PRR12: variants seen among roughly 807,000 people sequenced by gnomAD.
The protein encoded by PRR12 is proline-rich protein 12.
A neutral mutation model predicts 138.0 loss-of-function variants in PRR12; 12 were observed. The ratio of observed to expected loss-of-function variants is 0.09; its 90% CI spans 0.06 to 0.14. The LOEUF (loss-of-function observed/expected upper bound fraction) is 0.14. PRR12 is among the 10% of genes least tolerant of loss of function. The pLI, the probability that PRR12 is intolerant of heterozygous loss-of-function variation, is 1.00. For missense variants in PRR12, 2,692 were observed against 2,861.3 expected (o/e 0.94, Z 1.35); for synonymous variants, 1,567 against 1,291.7 (o/e 1.21, Z -4.57).
intron 10 of PRR12, among the ~76,000 whole-genome samples, chr19:49,620,980 G>C (rs1317563982): frequency 6.6e-5 from 9 of 135,652 alleles, no homozygotes; most frequent in South Asian, 2.7e-4. Flanking sequence ...GAGGGAGGAG[G>C]GACTGGGGCC....
Position 49,595,157 on chromosome 19 carries a change from C to T in PRR12, c.822C>T (p.Gly274=). The change falls in exon 4 of 14, where the codon GGC becomes GGT. Residue 274 remains glycine (G), a synonymous_variant. Coordinates refer to ENST00000418929, the MANE Select transcript of PRR12 (RefSeq NM_020719.3). ...QLYNFSGAAP[G]PPPPERALPR... The stretch of plus-strand genomic sequence containing the variant: ...ATAACTTCTCGGGTGCTGCCCCGGG[C>T]CCACCGCCGCCTGAGCGGGCCCTGC... 1.2e-6 allele frequency: 2 copies of T among 1,610,886 alleles called. No individual in the cohort carries two copies. The highest frequency in any genetic ancestry group is 1.7e-6 in the Non-Finnish European group (2 of 1,179,428).
chr19:49,621,288 G>A (rs2122376131), intron 10 of PRR12, among the ~76,000 whole-genome samples: 1 of 136,392 alleles, frequency 7.3e-6, no homozygotes, highest in East Asian at 2.3e-4. Flanking sequence ...GGGAGGAGCG[G>A]CTGGGGGTCT....
intron 11 of PRR12, among the ~76,000 whole-genome samples, chr19:49,622,577 G>A (rs1296096058): frequency 2.8e-5 from 4 of 143,878 alleles, no homozygotes; most frequent in African/African-American, 1.1e-4. Context: ...GGGCGACAGA[G>A]CAAGACTGTC....
intron 6 of PRR12, among the ~76,000 whole-genome samples, chr19:49,611,800 G>A (rs111346895): frequency 0.31 from 45,597 of 146,782 alleles, 7,795 homozygotes; most frequent in Middle Eastern, 0.41. Context: ...GCGGGCGCCT[G>A]TGGTCCCGGC....
intron 6 of PRR12, among the ~76,000 whole-genome samples, chr19:49,610,226 C>T (rs964306651): frequency 3.3e-5 from 5 of 151,840 alleles, no homozygotes; most frequent in African/African-American, 1.2e-4. Context: ...CCGCCTGCCT[C>T]GGCCTCCCAA....
In PRR12 at chr19:49,595,972, G is replaced by T; in HGVS notation, c.1637G>T (p.Gly546Val). 1.2e-6 allele frequency: 2 copies of T among 1,600,598 alleles called. No individual in the cohort carries two copies. Among genetic ancestry groups the T allele is most frequent in the Non-Finnish European group, 8.5e-7 (1 of 1,179,658 alleles). The change falls in exon 4 of 14, where the codon GGT (glycine) becomes GTT (valine). Residue 546 changes from glycine to valine, a missense_variant. Physicochemically the swap from Gly to Val is moderately radical, Grantham distance 109. Coordinates refer to ENST00000418929, the MANE Select transcript of PRR12 (RefSeq NM_020719.3). ...GHSPALSGHG[G>V]GWGPSSLGGG... is the part of the protein sequence containing the mutation. ...TCCCCAGCGCTCTCGGGCCATGGGG[G>T]TGGCTGGGGACCCAGCTCCCTGGGA...
chr19:49,592,994 C>A (rs1216909554), intron 1 of PRR12, among the ~76,000 whole-genome samples: 1 of 148,200 alleles, frequency 6.7e-6, no homozygotes, highest in Non-Finnish European at 1.5e-5. Flanking sequence ...GTGGGGTCGA[C>A]GGGGGAGGGC....
intron 4 of PRR12, among the ~76,000 whole-genome samples, chr19:49,598,313 A>G (rs972561499): frequency 2.6e-5 from 4 of 151,354 alleles, no homozygotes; most frequent in African/African-American, 9.7e-5. Flanking sequence ...TGGCCTCGTG[A>G]TCCACCCGCC....
chr19:49,600,798 C>A (rs956294393), intron 5 of PRR12, among the ~76,000 whole-genome samples: 17 of 152,132 alleles, frequency 1.1e-4, no homozygotes, highest in Admixed American at 1.0e-3. Flanking sequence ...GCCTTCCGCT[C>A]ACCGCAACCT....
chr19:49,605,871 G>A (rs768120588), intron 6 of PRR12, among the ~76,000 whole-genome samples: 6 of 152,278 alleles, frequency 3.9e-5, no homozygotes, highest in South Asian at 2.1e-4. Flanking sequence ...AAAGCCCCAC[G>A]CCTTTGCCAA....
At position 49,625,608 on chromosome 19, in the gene PRR12, C is replaced by G. The variant is rs769606686; in HGVS notation, c.*1C>G. On this transcript the variant is annotated 3_prime_UTR_variant, in exon 14 of 14. Coordinates refer to ENST00000418929, the MANE Select transcript of PRR12 (RefSeq NM_020719.3). The surrounding 1 kb of genome is among the most constrained non-coding windows in gnomAD (Gnocchi z 5.5). ...ACAGGCCCACAGCCGCTGCGGGTGA[C>G]CCCGCCCCAGCTTGTGAGGGGGGCG... The G allele has an allele frequency of 6.3e-7, 1 of 1,598,572 alleles. No individual in the cohort carries two copies. The highest frequency in any genetic ancestry group is 1.1e-5 in the South Asian group (1 of 89,736).
Position 49,596,120 on chromosome 19 carries a change from C to T in PRR12, c.1785C>T (p.Ala595=), listed in dbSNP as rs755385693. The change falls in exon 4 of 14, where the codon GCC becomes GCT. Residue 595 remains alanine (A), a synonymous_variant. Coordinates refer to ENST00000418929, the MANE Select transcript of PRR12 (RefSeq NM_020719.3). The surrounding 1 kb of genome is among the most constrained non-coding windows in gnomAD (Gnocchi z 5.6). ...GCAAATACCTGAGCTCAGTCTTGGCCTCAGCGCCTTTCCTGGCACCTCCGG... is the reference window on the plus strand; with the variant it reads ...GCAAATACCTGAGCTCAGTCTTGGCTTCAGCGCCTTTCCTGGCACCTCCGG... ...APGKYLSSVL[A]SAPFLAPPGA... 12 of 1,604,082 alleles carry T rather than the reference C, an allele frequency of 7.5e-6. No individual in the cohort carries two copies. Among genetic ancestry groups the T allele is most frequent in the Non-Finnish European group, 3.4e-6 (4 of 1,179,768 alleles).
At chr19:49,600,802 G>A (rs770970945) in intron 5 of PRR12, among the ~76,000 whole-genome samples, 12 of 151,718 alleles carry the variant, frequency 7.9e-5, no homozygotes, top group South Asian at 2.1e-4. Context: ...TCCGCTCACC[G>A]CAACCTCTGC....
Position 49,596,575 on chromosome 19 carries a change from T to C in PRR12, c.2240T>C (p.Val747Ala). 3.7e-6 allele frequency: 6 copies of C among 1,600,298 alleles called. No homozygotes were observed. Among genetic ancestry groups the C allele is most frequent in the Non-Finnish European group, 5.1e-6 (6 of 1,174,212 alleles). The change falls in exon 4 of 14, where the codon GTC becomes GCC. Residue 747 changes from valine (V) to alanine (A), a missense_variant. By Grantham distance (64) the Val-to-Ala change is moderately conservative. This residue lies in a region of PRR12 where 840 missense variants were observed against 689.8 expected (regional missense o/e 1.22). Transcript: ENST00000418929. This position sits in a 1 kb window ranked among gnomAD's most constrained non-coding sequence, Gnocchi z 5.6. ...CCCGAGGGGCTGGCCACCTCTGTTG[T>C]CCACTACGGGGCAGGCGCCAAGGAG... The part of the protein sequence containing the change: ...ETPEGLATSV[V>A]HYGAGAKELG...
rs1396914562 is a variant in PRR12 at position 49,597,654 on chromosome 19, A to G, written c.3319A>G (p.Lys1107Glu). The change falls in exon 4 of 14, where the codon AAG becomes GAG. Residue 1107 changes from lysine to glutamate, a missense_variant. By Grantham distance (56) the Lys-to-Glu change is moderately conservative. Coordinates refer to ENST00000418929, the MANE Select transcript of PRR12 (RefSeq NM_020719.3). This position sits in a 1 kb window ranked among gnomAD's most constrained non-coding sequence, Gnocchi z 6.3. ...GTACGAGTTCGAGGCGGACGAGGACAAGGCCGATGTTCCCGCCGACATCCG... is the reference window on the plus strand; with the variant it reads ...GTACGAGTTCGAGGCGGACGAGGACGAGGCCGATGTTCCCGCCGACATCCG... ...QEYEFEADED[K>E]ADVPADIRLN... is the part of the protein sequence containing the mutation. The G allele has an allele frequency of 6.2e-7, 1 of 1,607,324 alleles. No individual in the cohort carries two copies. Among genetic ancestry groups the G allele is most frequent in the Non-Finnish European group, 8.5e-7 (1 of 1,177,922 alleles).
At position 49,601,543 on chromosome 19, in the gene PRR12, T is replaced by TCCTCAG. The variant is rs1273884418; in HGVS notation, c.4409_4414dup (p.Gln1470_Pro1471dup). On this transcript the variant is annotated inframe_insertion, in exon 6 of 14. Coordinates refer to ENST00000418929, the MANE Select transcript of PRR12 (RefSeq NM_020719.3). ...CACCCACTCCACCTCCTGCCCCGAC[T>TCCTCAG]CCTCAGCCTCAGCCTCCGCCACCCC... 1.3e-6 allele frequency: 2 copies of TCCTCAG among 1,503,740 alleles called. No homozygotes were observed. Among genetic ancestry groups the TCCTCAG allele is most frequent in the East Asian group, 2.6e-5 (1 of 38,944 alleles). 93.1% of individuals were successfully genotyped at this position (1,503,740 alleles called of 1,614,324 possible).
chr19:49,592,441 GTGTT>G (rs1353572552), intron 1 of PRR12, among the ~76,000 whole-genome samples: 2 of 152,182 alleles, frequency 1.3e-5, no homozygotes, highest in East Asian at 1.9e-4. Context: ...TCCCGGGTGT[GTGTT>G]TGTGTGTCTG....
Position 49,594,349 on chromosome 19 carries a change from C to A in PRR12, c.200-105C>A. On this transcript the variant is annotated intron_variant, in intron 2 of 13. Transcript: ENST00000418929. The surrounding 1 kb of genome is among the most constrained non-coding windows in gnomAD (Gnocchi z 5.6). Reference sequence around the variant, plus strand: ...TTGAATTTGCCCTTTTCTCTCCCATCCCCTCCTTTTCCTGATCCAACTTGC... The same window carrying A: ...TTGAATTTGCCCTTTTCTCTCCCATACCCTCCTTTTCCTGATCCAACTTGC... 1 of 1,148,466 alleles carries A rather than the reference C, an allele frequency of 8.7e-7. No individual in the cohort carries two copies. The highest frequency in any genetic ancestry group is 1.2e-6 in the Non-Finnish European group (1 of 816,094). 71.1% of individuals were successfully genotyped at this position (1,148,466 alleles called of 1,614,324 possible). A position where few individuals can be genotyped will look rare whatever the true frequency, so the allele number is the denominator to read the frequency against.
chr19:49,594,689 A>G lies in PRR12; in HGVS notation c.362-8A>G, dbSNP rs370677779. On this transcript the variant is annotated splice_region_variant and splice_polypyrimidine_tract_variant and intron_variant, in intron 3 of 13. Coordinates refer to ENST00000418929, the MANE Select transcript of PRR12 (RefSeq NM_020719.3). This position sits in a 1 kb window ranked among gnomAD's most constrained non-coding sequence, Gnocchi z 5.6. ...TTCTCTCTGACGCGCGGTCTTCCTCATCTCCAGCCATGCACACGCCAGGCC... is the reference window on the plus strand; with the variant it reads ...TTCTCTCTGACGCGCGGTCTTCCTCGTCTCCAGCCATGCACACGCCAGGCC... The G allele has an allele frequency of 6.2e-7, 1 of 1,610,040 alleles. No individual in the cohort carries two copies. The highest frequency in any genetic ancestry group is 8.5e-7 in the Non-Finnish European group (1 of 1,179,264).
Sources: allele counts gnomAD v4.1 joint callset (sites outside exome capture counted in the v4.1 genomes callset), GRCh38; gene constraint gnomAD v4.1.1; regional missense constraint gnomAD v4.1.1; non-coding constraint Gnocchi (gnomAD v3.1); transcripts MANE v1.5; gene names NCBI Gene and HGNC (gene_info 2026-07-23, HGNC 2026-07-21).